The following LIN54 variants were observed in gnomAD, a reference collection of about 807,000 sequenced individuals.
LIN54 encodes lin-54 DREAM MuvB core complex component.
A neutral mutation model predicts 78.7 loss-of-function variants in LIN54; 9 were observed. That is an observed-to-expected ratio of 0.11 (90% CI 0.07 to 0.20). LIN54 has a LOEUF of 0.20. Among genes scored for constraint, LIN54 ranks in the 10% least tolerant of loss-of-function variants. The probability of loss-of-function intolerance (pLI) is 1.00; values close to 1 mark genes in which losing one functional copy is unlikely to be tolerated. For synonymous variants in LIN54, 269 were observed against 318.4 expected, an observed-to-expected ratio of 0.84 and a Z score of 1.65; for missense variants, 573 against 889.9, an observed-to-expected ratio of 0.64 and a Z score of 4.53.
chr4:82,946,746 G>T (rs1723390008), intron 4 of LIN54, among the ~76,000 whole-genome samples: 1 of 152,168 alleles, frequency 6.6e-6, no homozygotes, highest in Admixed American at 6.5e-5. Flanking sequence ...TACTTAATTT[G>T]CAAGTACTTA....
intron 5 of LIN54, among the ~76,000 whole-genome samples, chr4:82,945,607 T>C (rs1371199357): frequency 9.2e-5 from 14 of 152,070 alleles, no homozygotes; most frequent in African/African-American, 2.7e-4. Context: ...AATTCTCCAG[T>C]CTCAGCCTCC....
chr4:82,984,897 T>C, intron 1 of LIN54, 21 bp from the exon 2 acceptor site: 1 of 1,487,964 alleles, frequency 6.7e-7, no homozygotes, highest in Non-Finnish European at 9.0e-7. Context: ...AGTTGAAAAA[T>C]GAACAAGTTA....
intron 4 of LIN54, among the ~76,000 whole-genome samples, chr4:82,955,029 C>A (rs966261866): frequency 2.0e-5 from 3 of 152,132 alleles, no homozygotes; most frequent in Non-Finnish European, 4.4e-5. Context: ...TCTGCAAAAA[C>A]CACTGTTAAT....
At chr4:83,000,827 C>CTTTTTT (rs1553959274) in intron 1 of LIN54, among the ~76,000 whole-genome samples, 6 of 120,538 alleles carry the variant, frequency 5.0e-5, no homozygotes, top group Non-Finnish European at 9.8e-5. Context: ...GCAATAAATT[C>CTTTTTT]TTTTTTTTTT....
At chr4:83,007,713 C>T (rs1729520355) in intron 1 of LIN54, among the ~76,000 whole-genome samples, 1 of 151,992 alleles carries the variant, frequency 6.6e-6, no homozygotes, top group Admixed American at 6.6e-5. Flanking sequence ...CATGGTGAAA[C>T]CCTGTCTCTA....
chr4:82,957,124 T>C (rs1724396604), intron 4 of LIN54, among the ~76,000 whole-genome samples: 1 of 152,186 alleles, frequency 6.6e-6, no homozygotes, highest in Admixed American at 6.5e-5. Flanking sequence ...ACCACCACAA[T>C]TCAATTATGT....
intron 1 of LIN54, among the ~76,000 whole-genome samples, chr4:82,996,242 C>G (rs529545124): frequency 9.2e-5 from 14 of 152,120 alleles, no homozygotes; most frequent in Middle Eastern, 6.8e-3. Flanking sequence ...CACATGCAAC[C>G]TCATCGTCAC....
upstream of LIN54, chr4:83,012,030 G>A: frequency 1.0e-6 from 1 of 985,268 alleles, no homozygotes; most frequent in Non-Finnish European, 1.2e-6. Context: ...TTGTTTCAAT[G>A]GCAACTCCAT....
rs1357779471 is a variant in LIN54, at chr4:82,925,071, C to CT, written c.*3030dup. On this transcript the variant is annotated 3_prime_UTR_variant, in exon 13 of 13. Transcript: ENST00000340417. ...CTAATCACTCTGTTTGCTTTTGTACCTGTAACATTAAGGTTCTGTTTCCCA... is the reference window on the plus strand; with the variant it reads ...CTAATCACTCTGTTTGCTTTTGTACCTTGTAACATTAAGGTTCTGTTTCCCA... The CT allele has an allele frequency of 1.3e-5, 2 of 152,566 alleles. No homozygotes were observed. The highest frequency in any genetic ancestry group is 3.9e-4 in the East Asian group (2 of 5,178). 9.5% of individuals were successfully genotyped at this position (152,566 alleles called of 1,614,324 possible).
intron 1 of LIN54, among the ~76,000 whole-genome samples, chr4:83,001,945 AG>A (rs1290920094): frequency 0.02 from 163 of 8,234 alleles, 74 homozygotes; most frequent in African/African-American, 0.028. Context: ...GAAGGAAGGA[AG>A]GAAGGAAGGA....
intron 4 of LIN54, among the ~76,000 whole-genome samples, chr4:82,954,362 G>T (rs1724105810): frequency 6.6e-6 from 1 of 151,826 alleles, no homozygotes; most frequent in African/African-American, 2.4e-5. Flanking sequence ...CCAGAAGACA[G>T]ATATGAATAA....
chr4:82,931,258 GATTA>G, intron 11 of LIN54, 113 bp from the exon 12 acceptor site: 2 of 750,922 alleles, frequency 2.7e-6, no homozygotes, highest in Non-Finnish European at 4.5e-6. Context: ...CTGATAATAA[GATTA>G]GATGGAAGTA....
chr4:83,008,758 T>C (rs1729621028), intron 1 of LIN54, among the ~76,000 whole-genome samples: 1 of 152,238 alleles, frequency 6.6e-6, no homozygotes, highest in South Asian at 2.1e-4. Context: ...GGTATAATTC[T>C]TGCTTCATTT....
intron 11 of LIN54, among the ~76,000 whole-genome samples, chr4:82,931,860 C>A (rs1439567810): frequency 6.6e-6 from 1 of 152,136 alleles, no homozygotes; most frequent in East Asian, 1.9e-4. Flanking sequence ...CCAAAGTCAT[C>A]TGGCATAGCT....
intron 1 of LIN54, among the ~76,000 whole-genome samples, chr4:83,009,415 T>C (rs1197727756): frequency 2.0e-5 from 3 of 152,196 alleles, no homozygotes; most frequent in East Asian, 1.9e-4. Context: ...CTCAATGTCA[T>C]TGACCCAAAA....
chr4:82,943,496 G>T (rs575765160), intron 5 of LIN54, among the ~76,000 whole-genome samples: 2 of 152,234 alleles, frequency 1.3e-5, no homozygotes, highest in South Asian at 2.1e-4. Flanking sequence ...CAACTATTTA[G>T]TGTAACTCTA....
intron 1 of LIN54, among the ~76,000 whole-genome samples, chr4:82,992,536 G>A (rs940522059): frequency 2.6e-5 from 4 of 152,078 alleles, no homozygotes; most frequent in Admixed American, 6.6e-5. Flanking sequence ...AATTAGCTGG[G>A]TGTGGTAGGG....
intron 12 of LIN54, among the ~76,000 whole-genome samples, chr4:82,928,510 G>T (rs1024657230): frequency 6.6e-6 from 1 of 152,188 alleles, no homozygotes; most frequent in Non-Finnish European, 1.5e-5. Flanking sequence ...TAAGAATATT[G>T]TTCAGGAAAT....
chr4:82,930,999 A>G lies in LIN54; in HGVS notation c.1992T>C (p.Ser664=). 1 of 1,614,226 alleles carries G rather than the reference A, an allele frequency of 6.2e-7. No homozygotes were observed. Among genetic ancestry groups the G allele is most frequent in the Non-Finnish European group, 8.5e-7 (1 of 1,180,030 alleles). The part of the protein sequence containing the change: ...QQTAAKTKLS[S]QISDLLTRPT... The stretch of plus-strand genomic sequence containing the variant: ...GCCTAGTAAGCAAGTCTGAAATTTG[A>G]GAGGATAACTTCGTCTTGGCTGCTG... The change falls in exon 12 of 13, where the codon TCT becomes TCC. Residue 664 remains serine (S), a synonymous_variant. Coordinates refer to ENST00000340417, the MANE Select transcript of LIN54 (RefSeq NM_194282.4).
Sources: gnomAD v4.1 joint callset for allele counts (sites outside exome capture counted in the v4.1 genomes callset) on GRCh38, gnomAD v4.1.1 for gene constraint, MANE v1.5 for transcripts, NCBI Gene and HGNC (gene_info 2026-07-23, HGNC 2026-07-21) for gene names.